The following SLCO1B3 variants were observed in gnomAD, a reference collection of about 807,000 sequenced individuals.
The protein encoded by SLCO1B3 is solute carrier organic anion transporter family member 1B3.
In SLCO1B3, 72 loss-of-function variants were observed where a neutral mutation model predicts 71.8. That is an observed-to-expected ratio of 1.00 (90% confidence interval 0.83 to 1.22). The LOEUF (loss-of-function observed/expected upper bound fraction) is 1.22, where lower values mean the gene tolerates loss of function less well. SLCO1B3 is among the 50% of genes most tolerant of loss of function. SLCO1B3 has a pLI of 0.00. For synonymous variants in SLCO1B3, 298 were observed against 278.4 expected, an observed-to-expected ratio of 1.07 and a Z score of -0.70; for missense variants, 911 against 819.7, an observed-to-expected ratio of 1.11 and a Z score of -1.36.
At chr12:20,891,522 A>T (rs952566434) in intron 13 of SLCO1B3, among the ~76,000 whole-genome samples, 2 of 152,104 alleles carry the variant, frequency 1.3e-5, no homozygotes, top group Non-Finnish European at 2.9e-5. Flanking sequence ...CTTGCAATGC[A>T]TCTCACAGGA....
chr12:20,879,205 C>CTT (rs4149166), intron 10 of SLCO1B3, among the ~76,000 whole-genome samples: 1,367 of 95,190 alleles, frequency 0.014, 75 homozygotes, highest in Middle Eastern at 0.028. Context: ...ACCCTTCTCT[C>CTT]TTTTTTTTTT....
intron 3 of SLCO1B3, among the ~76,000 whole-genome samples, chr12:20,838,793 A>G (rs977457516): frequency 3.9e-5 from 6 of 152,110 alleles, no homozygotes; most frequent in African/African-American, 1.4e-4. Context: ...CATGTGGTAC[A>G]TGATTGTAGT....
At chr12:20,858,400 A>G in intron 4 of SLCO1B3, 39 bp from the exon 5 acceptor site, 1 of 1,438,966 alleles carries the variant, frequency 6.9e-7, no homozygotes, top group South Asian at 1.2e-5. Context: ...ATACAAAATT[A>G]CACTAAGTCA....
At chr12:20,909,513 T>A (rs986756978) in intron 15 of SLCO1B3, among the ~76,000 whole-genome samples, 2 of 151,764 alleles carry the variant, frequency 1.3e-5, no homozygotes, top group Admixed American at 1.3e-4. Context: ...ACCTCTATAT[T>A]TTTTGTGGGG....
At chr12:20,896,015 C>A (rs564591341) in intron 13 of SLCO1B3, among the ~76,000 whole-genome samples, 5 of 152,206 alleles carry the variant, frequency 3.3e-5, no homozygotes, top group African/African-American at 1.2e-4. Context: ...CTACATTGGT[C>A]CCTTTCAGCC....
chr12:20,836,043 A>AG (rs2121152158), intron 3 of SLCO1B3, among the ~76,000 whole-genome samples: 2 of 152,330 alleles, frequency 1.3e-5, no homozygotes, highest in East Asian at 3.9e-4. Context: ...ACATGGCAGC[A>AG]GGCAGAAGAG....
intron 3 of SLCO1B3, among the ~76,000 whole-genome samples, chr12:20,822,614 G>C (rs1864337484): frequency 1.3e-5 from 2 of 152,156 alleles, no homozygotes; most frequent in Non-Finnish European, 2.9e-5. Context: ...TCAGAGACCT[G>C]ACAGTGGCAA....
intron 8 of SLCO1B3, among the ~76,000 whole-genome samples, chr12:20,864,515 G>T (rs915897321): frequency 5.3e-5 from 8 of 152,140 alleles, no homozygotes; most frequent in African/African-American, 1.9e-4. Flanking sequence ...ACTAAAGCAA[G>T]TACCTGATGA....
At chr12:20,825,532 A>AT (rs1864402600) in intron 3 of SLCO1B3, among the ~76,000 whole-genome samples, 1 of 152,156 alleles carries the variant, frequency 6.6e-6, no homozygotes, top group African/African-American at 2.4e-5. Flanking sequence ...ACGGTGGCTC[A>AT]TTCTTGTAAT....
chr12:20,841,345 T>A (rs1308131749), intron 3 of SLCO1B3, among the ~76,000 whole-genome samples: 4 of 152,284 alleles, frequency 2.6e-5, no homozygotes, highest in East Asian at 3.9e-4. Flanking sequence ...CCCAGTATAT[T>A]TTTTAAAATT....
chr12:20,869,080 C>T (rs35757085), intron 8 of SLCO1B3, among the ~76,000 whole-genome samples: 15,915 of 152,198 alleles, frequency 0.1, 1,134 homozygotes, highest in Middle Eastern at 0.22. Context: ...TAACTGCGGG[C>T]AAGCCTGACT....
At chr12:20,879,081 T>G (rs1418557470) in intron 10 of SLCO1B3, among the ~76,000 whole-genome samples, 3 of 152,080 alleles carry the variant, frequency 2.0e-5, no homozygotes, top group Non-Finnish European at 2.9e-5. Flanking sequence ...ACGTAAATAT[T>G]CTTAGCCACT....
At position 20,836,826 on chromosome 12, in the gene SLCO1B3, A is replaced by G. The variant is rs1341087605; in HGVS notation, c.85-18202A>G. On this transcript the variant is annotated intron_variant, in intron 3 of 15. Coordinates refer to ENST00000381545, the MANE Select transcript of SLCO1B3 (RefSeq NM_019844.4). ...CTGGCTAATTTTTTGTATTTTTACT[A>G]GAGATGGGGTTTCACTGTGTTAGCC... Among the ~76,000 whole-genome samples the G allele has an allele frequency of 3.9e-5, 6 of 152,128 alleles. No individual in the cohort carries two copies. The East Asian group carries it at 9.7e-4, about 25-fold the overall frequency.
chr12:20,886,320 T>A (rs1438923511), intron 13 of SLCO1B3, among the ~76,000 whole-genome samples: 1 of 152,080 alleles, frequency 6.6e-6, no homozygotes, highest in Admixed American at 6.6e-5. Context: ...ATTAAAGCCA[T>A]AGACACAAAT....
chr12:20,850,553 A>T (rs1865006065), intron 3 of SLCO1B3, among the ~76,000 whole-genome samples: 1 of 152,132 alleles, frequency 6.6e-6, no homozygotes, highest in Non-Finnish European at 1.5e-5. Context: ...AAGCGCTGGG[A>T]ATATAGGCGT....
intron 3 of SLCO1B3, among the ~76,000 whole-genome samples, chr12:20,834,197 CTA>C (rs1220795219): frequency 6.9e-6 from 1 of 144,150 alleles, no homozygotes; most frequent in East Asian, 2.1e-4. Context: ...CATATATAAA[CTA>C]TATATGTATT....
At chr12:20,865,172 A>T (rs1865347953) in intron 8 of SLCO1B3, among the ~76,000 whole-genome samples, 1 of 152,148 alleles carries the variant, frequency 6.6e-6, no homozygotes, top group South Asian at 2.1e-4. Context: ...AACCAAAAAC[A>T]GTCATCAAAA....
intron 3 of SLCO1B3, among the ~76,000 whole-genome samples, chr12:20,843,509 C>T (rs1304243296): frequency 3.9e-5 from 6 of 152,012 alleles, no homozygotes; most frequent in East Asian, 1.9e-4. Context: ...TATTCATCCA[C>T]GGGGCTCATG....
chr12:20,898,914 C>T (rs769846620), intron 14 of SLCO1B3, among the ~76,000 whole-genome samples: 5 of 152,178 alleles, frequency 3.3e-5, no homozygotes, highest in Admixed American at 6.5e-5. Flanking sequence ...TCTGGTCAGG[C>T]TGAGGTTGTC....
Sources: gnomAD v4.1 joint callset for allele counts (sites outside exome capture counted in the v4.1 genomes callset) on GRCh38, gnomAD v4.1.1 for gene constraint, MANE v1.5 for transcripts, NCBI Gene and HGNC (gene_info 2026-07-23, HGNC 2026-07-21) for gene names.